CALN1: variants seen among roughly 807,000 people sequenced by gnomAD.
The protein encoded by CALN1 is calneuron 1, also known as calcium-binding protein 8.
A neutral mutation model predicts 30.6 loss-of-function variants in CALN1; 17 were observed. That is an observed-to-expected ratio of 0.56 (90% CI 0.38 to 0.83). The LOEUF (loss-of-function observed/expected upper bound fraction) is 0.83. Among genes scored for constraint, CALN1 ranks in the 40% least tolerant of loss-of-function variants. The probability of loss-of-function intolerance (pLI) is 0.00; values close to 1 mark genes in which losing one functional copy is unlikely to be tolerated. For missense variants in CALN1, 291 were observed against 354.9 expected (o/e 0.82, Z 1.45); for synonymous variants, 156 against 131.4 (o/e 1.19, Z -1.28).
At position 72,066,261 on chromosome 7, in the gene CALN1, A is replaced by T. The variant is rs146903583; in HGVS notation, c.388+39890T>A. Among the ~76,000 whole-genome samples, 40 of 152,328 alleles carry T rather than the reference A, an allele frequency of 2.6e-4. No homozygotes were observed. The East Asian group carries it at 3.9e-3, about 15-fold the overall frequency. ...CACTGGCTTCAGGGAAGCACTGCTA[A>T]AACTTTTCAACACAATAAAGTGGGG... On this transcript the variant is annotated intron_variant, in intron 4 of 6. Transcript: ENST00000395275.
At chr7:72,055,488 G>A (rs1389867851) in intron 4 of CALN1, among the ~76,000 whole-genome samples, 1 of 151,898 alleles carries the variant, frequency 6.6e-6, no homozygotes, top group Non-Finnish European at 1.5e-5. Flanking sequence ...AAATAGATAT[G>A]GTAATCATCG....
chr7:72,326,586 C>T (rs546992958), intron 2 of CALN1, among the ~76,000 whole-genome samples: 2 of 152,338 alleles, frequency 1.3e-5, no homozygotes, highest in Non-Finnish European at 2.9e-5. Flanking sequence ...CATCAGTGTT[C>T]AGTACAGATG....
At chr7:71,823,843 C>T (rs1201521433) in intron 5 of CALN1, among the ~76,000 whole-genome samples, 8 of 152,022 alleles carry the variant, frequency 5.3e-5, no homozygotes, top group African/African-American at 9.7e-5. Flanking sequence ...TGGCAGAAGA[C>T]GAAGGAAGAA....
intron 5 of CALN1, among the ~76,000 whole-genome samples, chr7:71,868,755 A>C (rs903224669): frequency 6.6e-6 from 1 of 152,058 alleles, no homozygotes; most frequent in African/African-American, 2.4e-5. Flanking sequence ...CCTACCTCCA[A>C]CATTGGGGAT....
chr7:72,257,830 T>C (rs1429333232), intron 3 of CALN1, among the ~76,000 whole-genome samples: 1 of 152,060 alleles, frequency 6.6e-6, no homozygotes, highest in African/African-American at 2.4e-5. Context: ...TTAGATGGAG[T>C]TGGAGGCCAT....
chr7:71,910,535 CCT>C (rs900205471), intron 5 of CALN1, among the ~76,000 whole-genome samples: 2 of 152,132 alleles, frequency 1.3e-5, no homozygotes, highest in African/African-American at 4.8e-5. Context: ...CCAACTGCAC[CCT>C]CTCTCCAGGG....
chr7:71,930,522 T>C (rs534299202), intron 5 of CALN1, among the ~76,000 whole-genome samples: 80 of 152,364 alleles, frequency 5.3e-4, no homozygotes, highest in African/African-American at 1.9e-3. Flanking sequence ...GAGTTGTCTT[T>C]TTAGCTTCTT....
At chr7:71,964,483 GA>G (rs1296188440) in intron 5 of CALN1, among the ~76,000 whole-genome samples, 1 of 152,128 alleles carries the variant, frequency 6.6e-6, no homozygotes, top group African/African-American at 2.4e-5. Flanking sequence ...TAGTGTACTG[GA>G]AAACTTGGAT....
At chr7:72,321,222 A>T (rs1800856315) in intron 2 of CALN1, among the ~76,000 whole-genome samples, 2 of 152,198 alleles carry the variant, frequency 1.3e-5, no homozygotes, top group South Asian at 4.1e-4. Context: ...TATTGTCTTC[A>T]TCTCAAGGCA....
chr7:72,465,600 G>C, the CALN1 span, among the ~76,000 whole-genome samples: 1 of 152,136 alleles, frequency 6.6e-6, no homozygotes, highest in Non-Finnish European at 1.5e-5. Flanking sequence ...CAATAGGAGA[G>C]GGTTTTATAA....
At chr7:72,342,276 A>AAG (rs1802420840) in intron 2 of CALN1, among the ~76,000 whole-genome samples, 1 of 151,356 alleles carries the variant, frequency 6.6e-6, no homozygotes. Flanking sequence ...AAAAAAAAAA[A>AAG]TCAGAAACAC....
intron 2 of CALN1, 25 bp from the exon 3 acceptor site, chr7:72,278,835 G>A (rs762646053): frequency 1.9e-6 from 3 of 1,590,094 alleles, no homozygotes; most frequent in African/African-American, 1.3e-5. Context: ...ACAGGGGAGG[G>A]GAAAAGAAAG....
chr7:71,966,280 C>T (rs1038596535), intron 5 of CALN1, among the ~76,000 whole-genome samples: 10 of 152,308 alleles, frequency 6.6e-5, no homozygotes, highest in African/African-American at 1.9e-4. Flanking sequence ...CTGGACATGG[C>T]CTGTGAACCT....
intron 3 of CALN1, among the ~76,000 whole-genome samples, chr7:72,252,988 T>C (rs957483604): frequency 6.6e-6 from 1 of 152,150 alleles, no homozygotes; most frequent in Admixed American, 6.5e-5. Flanking sequence ...AAGTTACTTA[T>C]TATTGTCTCA....
At chr7:72,499,113 C>T in the CALN1 span, among the ~76,000 whole-genome samples, 3 of 152,300 alleles carry the variant, frequency 2.0e-5, no homozygotes, top group Admixed American at 2.0e-4. Flanking sequence ...TCACTGCAAC[C>T]TCCACCTCCT....
At chr7:72,422,724 T>G (rs1807653932) in intron 1 of CALN1, among the ~76,000 whole-genome samples, 1 of 152,260 alleles carries the variant, frequency 6.6e-6, no homozygotes, top group South Asian at 2.1e-4. Context: ...TTCTCTCTCT[T>G]TGTCAACCTT....
At chr7:72,185,202 A>G (rs778227486) in intron 3 of CALN1, among the ~76,000 whole-genome samples, 1 of 152,112 alleles carries the variant, frequency 6.6e-6, no homozygotes, top group African/African-American at 2.4e-5. Flanking sequence ...CAAAGAGTCC[A>G]AGCGTAGAAA....
chr7:72,062,287 G>A (rs1803706733), intron 4 of CALN1, among the ~76,000 whole-genome samples: 1 of 152,116 alleles, frequency 6.6e-6, no homozygotes, highest in Admixed American at 6.5e-5. Flanking sequence ...AAGGTGGGTG[G>A]ATCACTTGAG....
In CALN1 at chr7:72,144,180, C is replaced by A. The variant is rs549516113; in HGVS notation, c.245-37886G>T. 1.0e-3 allele frequency among the ~76,000 whole-genome samples: 157 copies of A among 152,126 alleles called. 1 individual carries two copies. Among genetic ancestry groups the A allele is most frequent in the Admixed American group, 3.8e-3 (58 of 15,268 alleles). On this transcript the variant is annotated intron_variant, in intron 3 of 6. Coordinates refer to ENST00000395275, the MANE Select transcript of CALN1 (RefSeq NM_031468.4). ...GCTCCAATTAAAAGACACAGACTGG[C>A]AAATTGGATAAAGAGTCAAGACCCA...
Sources: gnomAD v4.1 joint callset for allele counts (sites outside exome capture counted in the v4.1 genomes callset) on GRCh38, gnomAD v4.1.1 for gene constraint, MANE v1.5 for transcripts, NCBI Gene and HGNC (gene_info 2026-07-23, HGNC 2026-07-21) for gene names.